Variants in AUTS2 observed in about 807,000 individuals in gnomAD.
AUTS2 encodes the protein autism susceptibility gene 2 protein.
A neutral mutation model predicts 112.4 loss-of-function variants in AUTS2; 17 were observed. That is an observed-to-expected ratio of 0.15 (90% CI 0.10 to 0.23). The LOEUF (loss-of-function observed/expected upper bound fraction) is 0.23, where lower values mean the gene tolerates loss of function less well. Ranked by LOEUF, AUTS2 falls within the 10% of genes least tolerant of loss-of-function variation. AUTS2 has a pLI of 1.00. For missense variants in AUTS2, 1,510 were observed against 1,701.6 expected (o/e 0.89, Z 1.98); for synonymous variants, 751 against 702.7 (o/e 1.07, Z -1.09).
At chr7:70,668,577 C>T (rs1807468242) in intron 5 of AUTS2, among the ~76,000 whole-genome samples, 1 of 152,226 alleles carries the variant, frequency 6.6e-6, no homozygotes, top group Admixed American at 6.5e-5. Flanking sequence ...TTGCGAACAC[C>T]TTTCCCTGAT....
intron 2 of AUTS2, among the ~76,000 whole-genome samples, chr7:70,013,770 T>A (rs1463641798): frequency 2.0e-5 from 3 of 152,192 alleles, no homozygotes; most frequent in Non-Finnish European, 2.9e-5. Context: ...CAGGCTGGAG[T>A]GCAGTGGCGC....
chr7:70,763,885 C>T (rs1423669451), intron 7 of AUTS2, among the ~76,000 whole-genome samples: 1 of 152,112 alleles, frequency 6.6e-6, no homozygotes, highest in African/African-American at 2.4e-5. Context: ...AAACAAGCTG[C>T]ATTTAGAGAA....
intron 5 of AUTS2, among the ~76,000 whole-genome samples, chr7:70,479,903 C>T (rs749147019): frequency 3.9e-5 from 6 of 152,170 alleles, no homozygotes; most frequent in African/African-American, 1.2e-4. Context: ...GACAGATAGA[C>T]GATAACGAGG....
intron 5 of AUTS2, among the ~76,000 whole-genome samples, chr7:70,441,170 C>T (rs1042187140): frequency 2.0e-5 from 3 of 152,140 alleles, no homozygotes; most frequent in African/African-American, 7.2e-5. Flanking sequence ...TTCTCCTTTT[C>T]CTATCAATCT....
At chr7:70,254,505 G>A (rs1786757401) in intron 4 of AUTS2, among the ~76,000 whole-genome samples, 1 of 152,150 alleles carries the variant, frequency 6.6e-6, no homozygotes, top group South Asian at 2.1e-4. Context: ...ATCACTTAAT[G>A]TTCTTACTAA....
intron 5 of AUTS2, among the ~76,000 whole-genome samples, chr7:70,495,363 G>T (rs1448052430): frequency 6.6e-6 from 1 of 151,214 alleles, no homozygotes; most frequent in Non-Finnish European, 1.5e-5. Flanking sequence ...CTCTGTTTTC[G>T]ATGTAGCTTA....
intron 2 of AUTS2, among the ~76,000 whole-genome samples, chr7:69,954,308 A>T (rs1158430823): frequency 6.6e-6 from 1 of 152,092 alleles, no homozygotes; most frequent in East Asian, 1.9e-4. Context: ...TAGAGCTAGG[A>T]TCTCGCTCTG....
At chr7:70,367,576 A>AT (rs1585064840) in intron 4 of AUTS2, among the ~76,000 whole-genome samples, 6 of 146,702 alleles carry the variant, frequency 4.1e-5, no homozygotes, top group East Asian at 3.9e-4. Flanking sequence ...AAAATTGTAA[A>AT]AAATAATAAT....
At chr7:70,627,990 C>T (rs1434688975) in intron 5 of AUTS2, among the ~76,000 whole-genome samples, 1 of 152,120 alleles carries the variant, frequency 6.6e-6, no homozygotes, top group Admixed American at 6.5e-5. Flanking sequence ...GATACTCTTT[C>T]CCCGTCTTTC....
At chr7:70,687,390 T>C (rs967514795) in intron 5 of AUTS2, among the ~76,000 whole-genome samples, 1 of 152,234 alleles carries the variant, frequency 6.6e-6, no homozygotes, top group African/African-American at 2.4e-5. Flanking sequence ...TATTTTTCAT[T>C]GCCTTTCTTT....
At chr7:70,038,767 A>AATT (rs916350269) in intron 2 of AUTS2, among the ~76,000 whole-genome samples, 6 of 151,696 alleles carry the variant, frequency 4.0e-5, no homozygotes, top group African/African-American at 7.3e-5. Flanking sequence ...CTGGGTTTCT[A>AATT]ATTATTATTA....
At chr7:70,321,766 A>G (rs1001518093) in intron 4 of AUTS2, among the ~76,000 whole-genome samples, 2 of 152,234 alleles carry the variant, frequency 1.3e-5, no homozygotes, top group African/African-American at 4.8e-5. Flanking sequence ...TTCATTAAAC[A>G]TACAGTCATG....
chr7:70,545,566 A>G (rs1800738028), intron 5 of AUTS2, among the ~76,000 whole-genome samples: 1 of 152,228 alleles, frequency 6.6e-6, no homozygotes, highest in Non-Finnish European at 1.5e-5. Context: ...TGAGCAGATT[A>G]TTCCTAGAAA....
intron 5 of AUTS2, among the ~76,000 whole-genome samples, chr7:70,587,154 G>A (rs1290133353): frequency 6.6e-6 from 1 of 152,074 alleles, no homozygotes; most frequent in African/African-American, 2.4e-5. Context: ...ACGGCTCACT[G>A]CAGCATCAAC....
intron 4 of AUTS2, among the ~76,000 whole-genome samples, chr7:70,343,681 G>A (rs532823597): frequency 1.3e-5 from 2 of 152,186 alleles, no homozygotes; most frequent in African/African-American, 4.8e-5. Flanking sequence ...ACAAGGGAGA[G>A]TCTTAAGGGG....
At chr7:69,827,360 T>C (rs1039486063) in intron 1 of AUTS2, among the ~76,000 whole-genome samples, 1 of 152,044 alleles carries the variant, frequency 6.6e-6, no homozygotes, top group African/African-American at 2.4e-5. Context: ...GCTCCCTGTG[T>C]GTTTGCGCAG....
intron 4 of AUTS2, among the ~76,000 whole-genome samples, chr7:70,249,214 A>G (rs1813084469): frequency 6.6e-6 from 1 of 152,150 alleles, no homozygotes; most frequent in African/African-American, 2.4e-5. Context: ...TCTGCAGTTT[A>G]AGGTGCATTT....
chr7:70,473,941 T>A (rs1272871617), intron 5 of AUTS2, among the ~76,000 whole-genome samples: 1 of 152,004 alleles, frequency 6.6e-6, no homozygotes, highest in Non-Finnish European at 1.5e-5. Flanking sequence ...CCAGATAAAA[T>A]CCTCCCAGCT....
intron 6 of AUTS2, among the ~76,000 whole-genome samples, chr7:70,745,464 T>C (rs970102827): frequency 1.3e-5 from 2 of 152,240 alleles, no homozygotes; most frequent in South Asian, 2.1e-4. Flanking sequence ...TTAAATACTA[T>C]AGAAGGCTGA....
Sources: allele counts gnomAD v4.1 joint callset (sites outside exome capture counted in the v4.1 genomes callset), GRCh38; gene constraint gnomAD v4.1.1; transcripts MANE v1.5; gene names NCBI Gene and HGNC (gene_info 2026-07-23, HGNC 2026-07-21).